EYS: variants seen among roughly 807,000 people sequenced by gnomAD.
EYS encodes protein eyes shut homolog.
Under a neutral mutation model 282.1 loss-of-function variants are expected in EYS, and 250 were observed. The observed-to-expected ratio is 0.89, with a 90% CI of 0.80 to 0.98. The LOEUF is 0.98. Ranked by LOEUF, EYS falls within the 50% of genes least tolerant of loss-of-function variation. The pLI, the probability that EYS is intolerant of heterozygous loss-of-function variation, is 0.00. For synonymous variants in EYS, 1,355 were observed against 1,282.9 expected (o/e 1.06, Z -1.20); for missense variants, 4,016 against 3,709.0 (o/e 1.08, Z -2.15).
chr6:65,169,274 T>C (rs987884146), intron 12 of EYS, among the ~76,000 whole-genome samples: 4 of 151,476 alleles, frequency 2.6e-5, no homozygotes, highest in Admixed American at 1.3e-4. Flanking sequence ...GTGCACTATA[T>C]TAGTACCACA....
At chr6:64,002,498 T>G (rs1196616323) in intron 33 of EYS, among the ~76,000 whole-genome samples, 1 of 152,112 alleles carries the variant, frequency 6.6e-6, no homozygotes, top group Non-Finnish European at 1.5e-5. Context: ...CCCACTTGGG[T>G]TTCGGGAGTC....
intron 24 of EYS, among the ~76,000 whole-genome samples, chr6:64,616,062 T>C (rs1767263952): frequency 6.6e-6 from 1 of 152,168 alleles, no homozygotes; most frequent in African/African-American, 2.4e-5. Context: ...GGAAATTTTA[T>C]AGATATTTGG....
chr6:64,298,750 C>A (rs1037776765), intron 30 of EYS, among the ~76,000 whole-genome samples: 1 of 151,990 alleles, frequency 6.6e-6, no homozygotes, highest in African/African-American at 2.4e-5. Context: ...GATAAAAACA[C>A]TTTTTTCAAC....
chr6:63,796,915 T>C (rs1257427788), intron 37 of EYS, among the ~76,000 whole-genome samples: 2 of 152,114 alleles, frequency 1.3e-5, no homozygotes, highest in African/African-American at 4.8e-5. Flanking sequence ...AAAGAGAAAA[T>C]GTAAGAGGAG....
rs368314188 is a variant in EYS at position 65,273,019 on chromosome 6, C to T, written c.2023+22844G>A. Reference sequence around the variant, plus strand: ...ACTTGAACATAAACACTGCAATAACCGTAACAGTCAATTTAATAATCAGGA... The same window carrying T: ...ACTTGAACATAAACACTGCAATAACTGTAACAGTCAATTTAATAATCAGGA... On this transcript the variant is annotated intron_variant, in intron 12 of 42. Coordinates refer to ENST00000503581, the MANE Select transcript of EYS (RefSeq NM_001142800.2). Among the ~76,000 whole-genome samples, 17 of 151,998 alleles carry T rather than the reference C, an allele frequency of 1.1e-4. No individual in the cohort carries two copies. The East Asian group carries it at 1.9e-3, about 17-fold the overall frequency.
intron 5 of EYS, among the ~76,000 whole-genome samples, chr6:65,425,749 G>A (rs1767635501): frequency 6.6e-6 from 1 of 152,080 alleles, no homozygotes; most frequent in African/African-American, 2.4e-5. Context: ...CGAGGGACCA[G>A]TCTTTTAAAG....
At chr6:65,213,421 T>A (rs1766224374) in intron 12 of EYS, among the ~76,000 whole-genome samples, 1 of 152,232 alleles carries the variant, frequency 6.6e-6, no homozygotes. Context: ...ATGCTGAGTT[T>A]TTGAACAAAT....
chr6:65,569,579 C>T (rs1224004338), intron 2 of EYS, among the ~76,000 whole-genome samples: 1 of 152,130 alleles, frequency 6.6e-6, no homozygotes, highest in Admixed American at 6.5e-5. Context: ...TAACACCACT[C>T]TCCTAAAACC....
At chr6:65,204,124 T>C (rs575959981) in intron 12 of EYS, among the ~76,000 whole-genome samples, 2 of 152,078 alleles carry the variant, frequency 1.3e-5, no homozygotes, top group African/African-American at 4.8e-5. Flanking sequence ...AGTAAAACTA[T>C]GAAAAACATA....
intron 12 of EYS, among the ~76,000 whole-genome samples, chr6:65,191,959 TTC>T (rs1490613740): frequency 5.9e-5 from 9 of 151,732 alleles, no homozygotes; most frequent in African/African-American, 1.9e-4. Context: ...TTTTTTTTTT[TTC>T]AAATTTTAAA....
At chr6:65,104,746 G>A (rs574622302) in intron 12 of EYS, among the ~76,000 whole-genome samples, 41 of 151,318 alleles carry the variant, frequency 2.7e-4, no homozygotes, top group African/African-American at 7.7e-4. Context: ...AAAATTATGC[G>A]TTTATTTATC....
chr6:64,585,387 T>C (rs1450411167), intron 26 of EYS, among the ~76,000 whole-genome samples: 1 of 152,098 alleles, frequency 6.6e-6, no homozygotes, highest in Non-Finnish European at 1.5e-5. Flanking sequence ...ACTTGGATGA[T>C]GGGATCTGTA....
rs191192976 is a variant in EYS at position 64,550,640 on chromosome 6, G to A, written c.5644+39583C>T. 1.5e-3 allele frequency among the ~76,000 whole-genome samples: 225 copies of A among 152,212 alleles called. 3 individuals are homozygous for A. Among genetic ancestry groups the A allele is most frequent in the African/African-American group, 5.1e-3 (212 of 41,540 alleles). The stretch of plus-strand genomic sequence containing the variant: ...ATCAGGCAGGAGAAGGAAATAAAGG[G>A]TATTCAATTAGGAAAAGAGGAAGTC... On this transcript the variant is annotated intron_variant, in intron 26 of 42. Coordinates refer to ENST00000503581, the MANE Select transcript of EYS (RefSeq NM_001142800.2).
intron 12 of EYS, among the ~76,000 whole-genome samples, chr6:65,096,857 T>TG (rs2150181177): frequency 6.6e-6 from 1 of 151,082 alleles, no homozygotes; most frequent in Non-Finnish European, 1.5e-5. Flanking sequence ...TCAAATTGGG[T>TG]GAAAAACTTC....
chr6:64,421,834 G>A (rs1188854910), intron 28 of EYS, among the ~76,000 whole-genome samples: 5 of 151,418 alleles, frequency 3.3e-5, no homozygotes, highest in Non-Finnish European at 7.4e-5. Flanking sequence ...GAGCGAGAGA[G>A]AGAGAGCGCA....
chr6:64,978,521 A>G (rs1770545840), intron 14 of EYS, among the ~76,000 whole-genome samples: 1 of 151,962 alleles, frequency 6.6e-6, no homozygotes, highest in South Asian at 2.1e-4. Context: ...TACAACATCC[A>G]TTCTGTAGCC....
chr6:65,382,527 A>G (rs150153912), intron 8 of EYS, among the ~76,000 whole-genome samples: 146 of 142,518 alleles, frequency 1.0e-3, no homozygotes, highest in Non-Finnish European at 1.8e-3. Flanking sequence ...TCCTTATGCT[A>G]TGTATTAGTC....
At chr6:63,803,089 C>A (rs769731442) in intron 37 of EYS, among the ~76,000 whole-genome samples, 1 of 152,116 alleles carries the variant, frequency 6.6e-6, no homozygotes, top group Non-Finnish European at 1.5e-5. Context: ...TTGGTAGATG[C>A]GTACTAAAGG....
intron 31 of EYS, among the ~76,000 whole-genome samples, chr6:64,224,560 G>T (rs963084360): frequency 6.6e-6 from 1 of 151,726 alleles, no homozygotes; most frequent in Non-Finnish European, 1.5e-5. Flanking sequence ...TGTTCATTCT[G>T]GTTTCTTTTA....
Sources: gnomAD v4.1 joint callset for allele counts (sites outside exome capture counted in the v4.1 genomes callset) on GRCh38, gnomAD v4.1.1 for gene constraint, MANE v1.5 for transcripts, NCBI Gene and HGNC (gene_info 2026-07-23, HGNC 2026-07-21) for gene names.